Variants in PIWIL4 observed in about 807,000 individuals in gnomAD.
PIWIL4 encodes piwi-like protein 4.
PIWIL4 carries 50 observed loss-of-function variants against 100.9 expected under a neutral mutation model. That is an observed-to-expected ratio of 0.50 (90% confidence interval 0.39 to 0.63). The LOEUF (loss-of-function observed/expected upper bound fraction) is 0.63, where lower values mean the gene tolerates loss of function less well. PIWIL4 is among the 20% of genes least tolerant of loss of function. PIWIL4 has a pLI of 0.00. For missense variants in PIWIL4, 887 were observed against 1,043.3 expected, an observed-to-expected ratio of 0.85 and a Z score of 2.06; for synonymous variants, 342 against 367.5, an observed-to-expected ratio of 0.93 and a Z score of 0.79.
intron 2 of PIWIL4, among the ~76,000 whole-genome samples, chr11:94,571,485 T>C (rs1948153788): frequency 6.6e-6 from 1 of 152,152 alleles, no homozygotes; most frequent in Non-Finnish European, 1.5e-5. Context: ...CCACCCTGCA[T>C]CCAAGTGTTC....
At chr11:94,593,180 A>G (rs752412212) in intron 8 of PIWIL4, among the ~76,000 whole-genome samples, 9 of 152,194 alleles carry the variant, frequency 5.9e-5, no homozygotes, top group Non-Finnish European at 1.3e-4. Context: ...TACCTCAGTC[A>G]TCAGTAGTAG....
intron 19 of PIWIL4, 24 bp downstream of exon 19, chr11:94,620,168 T>C (rs1352565181): frequency 1.3e-6 from 2 of 1,554,296 alleles, no homozygotes; most frequent in Admixed American, 2.0e-5. Context: ...GTTTACTTAA[T>C]GTAAATATGA....
intron 8 of PIWIL4, among the ~76,000 whole-genome samples, chr11:94,591,377 C>G (rs1368582999): frequency 3.3e-5 from 5 of 152,214 alleles, no homozygotes; most frequent in African/African-American, 9.6e-5. Context: ...ACTTTGCTTT[C>G]TGTCACACAC....
intron 1 of PIWIL4, 82 bp downstream of exon 1, chr11:94,567,687 TCTC>T (rs1174282905): frequency 2.2e-6 from 3 of 1,390,648 alleles, no homozygotes; most frequent in African/African-American, 1.4e-5. Flanking sequence ...TCTGCATGTA[TCTC>T]CTCCTCTCTG....
At chr11:94,600,184 G>A (rs1478693985) in intron 11 of PIWIL4, among the ~76,000 whole-genome samples, 2 of 152,188 alleles carry the variant, frequency 1.3e-5, no homozygotes, top group African/African-American at 2.4e-5. Context: ...GAGACCTTTT[G>A]AGAGTGAGAA....
At chr11:94,587,278 T>A in intron 7 of PIWIL4, 31 bp downstream of exon 7, 1 of 1,582,582 alleles carries the variant, frequency 6.3e-7, no homozygotes, top group South Asian at 1.1e-5. Context: ...AAACTTTTCT[T>A]CAGAAATCAA....
chr11:94,571,112 C>G (rs554481496), intron 2 of PIWIL4, among the ~76,000 whole-genome samples: 1 of 152,208 alleles, frequency 6.6e-6, no homozygotes, highest in East Asian at 1.9e-4. Flanking sequence ...GTATGTACCC[C>G]TGTGATCCAA....
intron 11 of PIWIL4, 27 bp from the exon 12 acceptor site, chr11:94,601,768 T>A: frequency 6.2e-7 from 1 of 1,608,274 alleles, no homozygotes; most frequent in Non-Finnish European, 8.5e-7. Flanking sequence ...ATTTGTTCAA[T>A]CCTTTCATGA....
intron 13 of PIWIL4, among the ~76,000 whole-genome samples, chr11:94,604,391 A>G (rs1047230122): frequency 3.3e-5 from 5 of 152,168 alleles, no homozygotes; most frequent in South Asian, 2.1e-4. Flanking sequence ...TGTTCCCTAT[A>G]TTTCAGGGGA....
At chr11:94,574,266 A>G (rs1436372883) in intron 2 of PIWIL4, among the ~76,000 whole-genome samples, 8 of 152,166 alleles carry the variant, frequency 5.3e-5, no homozygotes, top group Non-Finnish European at 1.2e-4. Context: ...ACTGATGGCA[A>G]TGTTCTGGGC....
chr11:94,614,105 A>T (rs1323593526), intron 15 of PIWIL4, among the ~76,000 whole-genome samples: 1 of 149,920 alleles, frequency 6.7e-6, no homozygotes, highest in Non-Finnish European at 1.5e-5. Flanking sequence ...TATTGAAGTT[A>T]TTGTTTTGTT....
chr11:94,575,042 G>T lies in PIWIL4; in HGVS notation c.210G>T (p.Met70Ile). The T allele has an allele frequency of 6.2e-7, 1 of 1,613,226 alleles. No homozygotes were observed. Among genetic ancestry groups the T allele is most frequent in the East Asian group, 2.2e-5 (1 of 44,830 alleles). ...ISSGDAGSTFMERGVKNKQDF... is the reference protein window; with the variant it reads ...ISSGDAGSTFIERGVKNKQDF... ...CTGGTGATGCTGGAAGTACCTTCAT[G>T]GAAAGAGGTGTGAAAAACAAACAGG... Residue 70 changes from methionine to isoleucine, a missense_variant, in exon 3 of 20, where the codon ATG becomes ATT. Coordinates refer to ENST00000299001, the MANE Select transcript of PIWIL4 (RefSeq NM_152431.3).
In PIWIL4 at chr11:94,589,232, G is replaced by T. The variant is rs1352590560; in HGVS notation, c.1026G>T (p.Gln342His). Reference sequence around the variant, plus strand: ...TCACCTATGTGGATTACTACAAGCAGGTAGGACTTTTCTTCATGCATCTCT... The same window carrying T: ...TCACCTATGTGGATTACTACAAGCATGTAGGACTTTTCTTCATGCATCTCT... ...TEITYVDYYK[Q>H]QYDITVSDLN... The change falls in exon 8 of 20, where the codon CAG (glutamine) becomes CAT (histidine). Residue 342 changes from glutamine to histidine, a missense_variant and splice_region_variant. This residue lies in a region of PIWIL4 where 741 missense variants were observed against 930.0 expected (regional missense o/e 0.80). Coordinates refer to ENST00000299001, the MANE Select transcript of PIWIL4 (RefSeq NM_152431.3). The T allele has an allele frequency of 6.3e-7, 1 of 1,584,810 alleles. No individual in the cohort carries two copies. Among genetic ancestry groups the T allele is most frequent in the Non-Finnish European group, 8.7e-7 (1 of 1,153,628 alleles).
chr11:94,610,696 C>G (rs2135297715), intron 15 of PIWIL4, among the ~76,000 whole-genome samples: 1 of 151,914 alleles, frequency 6.6e-6, no homozygotes, highest in Non-Finnish European at 1.5e-5. Context: ...TGTATGGGTT[C>G]TTCATATATT....
At chr11:94,579,998 G>A (rs896150842) in intron 4 of PIWIL4, among the ~76,000 whole-genome samples, 1 of 152,154 alleles carries the variant, frequency 6.6e-6, no homozygotes, top group African/African-American at 2.4e-5. Flanking sequence ...AATGAAGACC[G>A]TATACGCTAC....
rs1173651612 is a variant in PIWIL4 at position 94,587,117 on chromosome 11, G to C, written c.784G>C (p.Asp262His). The C allele has an allele frequency of 9.9e-6, 16 of 1,613,876 alleles. No individual in the cohort carries two copies. Among genetic ancestry groups the C allele is most frequent in the Non-Finnish European group, 1.4e-5 (16 of 1,179,944 alleles). The change falls in exon 7 of 20, where the codon GAT becomes CAT. Residue 262 changes from aspartate to histidine, a missense_variant. By Grantham distance (81) the Asp-to-His change is moderately conservative. Around this residue, in one of 2 missense-constraint regions of PIWIL4, gnomAD observed 741 missense variants for 930.0 expected, o/e 0.80. Coordinates refer to ENST00000299001, the MANE Select transcript of PIWIL4 (RefSeq NM_152431.3). ...YFERKLLFSADVSYKVLRNET... is the reference protein window; with the variant it reads ...YFERKLLFSAHVSYKVLRNET... Reference sequence around the variant, plus strand: ...TGAAAGGAAGCTCCTGTTTAGTGCTGATGTGAGTTACAAAGTCCTCCGGAA... The same window carrying C: ...TGAAAGGAAGCTCCTGTTTAGTGCTCATGTGAGTTACAAAGTCCTCCGGAA...
chr11:94,615,585 C>T (rs1256102215), intron 15 of PIWIL4, among the ~76,000 whole-genome samples: 1 of 152,084 alleles, frequency 6.6e-6, no homozygotes, highest in Non-Finnish European at 1.5e-5. Context: ...GGCAGCATTC[C>T]TAATTGTGTT....
chr11:94,602,072 C>A, intron 12 of PIWIL4, 93 bp downstream of exon 12: 2 of 1,172,334 alleles, frequency 1.7e-6, no homozygotes, highest in East Asian at 2.4e-5. Context: ...CTTCTTTATC[C>A]CAGTAGTTTC....
chr11:94,619,951 A>T (rs1276532762), intron 18 of PIWIL4, 46 bp from the exon 19 acceptor site: 1 of 1,614,044 alleles, frequency 6.2e-7, no homozygotes, highest in Non-Finnish European at 8.5e-7. Flanking sequence ...GTTTGACCTT[A>T]TTCTGTTTGC....
Sources: gnomAD v4.1 joint callset for allele counts (sites outside exome capture counted in the v4.1 genomes callset) on GRCh38, gnomAD v4.1.1 for gene constraint, gnomAD v4.1.1 regional missense constraint, MANE v1.5 for transcripts, NCBI Gene and HGNC (gene_info 2026-07-23, HGNC 2026-07-21) for gene names.